Variants in AIG1 observed in about 807,000 individuals in gnomAD.
The protein encoded by AIG1 is androgen-induced gene 1 protein.
A neutral mutation model predicts 31.4 loss-of-function variants in AIG1; 23 were observed. The observed-to-expected ratio is 0.73, with a 90% CI of 0.53 to 1.04. The LOEUF (loss-of-function observed/expected upper bound fraction) is 1.04, where lower values mean the gene tolerates loss of function less well. Among genes scored for constraint, AIG1 ranks in the 50% least tolerant of loss-of-function variants. The pLI is 0.00. For synonymous variants in AIG1, 100 were observed against 110.5 expected (o/e 0.90, Z 0.60); for missense variants, 274 against 295.0 (o/e 0.93, Z 0.52).
intron 3 of AIG1, among the ~76,000 whole-genome samples, chr6:143,195,675 G>A (rs539036144): frequency 3.3e-5 from 5 of 151,176 alleles, no homozygotes; most frequent in Admixed American, 2.0e-4. Flanking sequence ...GGGAGCCCTC[G>A]CCAGGGAGGG....
intron 3 of AIG1, among the ~76,000 whole-genome samples, chr6:143,273,877 C>T (rs1796712306): frequency 6.6e-6 from 1 of 152,154 alleles, no homozygotes; most frequent in African/African-American, 2.4e-5. Flanking sequence ...TGGGTGAGGA[C>T]ACAGCCAAAC....
intron 3 of AIG1, among the ~76,000 whole-genome samples, chr6:143,273,026 G>T (rs1489216758): frequency 6.6e-6 from 1 of 152,248 alleles, no homozygotes; most frequent in Non-Finnish European, 1.5e-5. Flanking sequence ...CTACTTGGGA[G>T]GCTGAGGCAG....
At chr6:143,148,186 A>C (rs1784862781) in intron 2 of AIG1, among the ~76,000 whole-genome samples, 1 of 152,076 alleles carries the variant, frequency 6.6e-6, no homozygotes, top group African/African-American at 2.4e-5. Flanking sequence ...CATATACAGC[A>C]GTGGTCCCAT....
intron 1 of AIG1, among the ~76,000 whole-genome samples, chr6:143,068,046 T>A (rs183320133): frequency 6.6e-6 from 1 of 152,280 alleles, no homozygotes; most frequent in Non-Finnish European, 1.5e-5. Flanking sequence ...TTTGTTAGAG[T>A]GGGGGAAATA....
chr6:143,240,488 A>T (rs927100451), intron 3 of AIG1, among the ~76,000 whole-genome samples: 7 of 152,214 alleles, frequency 4.6e-5, no homozygotes, highest in Admixed American at 1.3e-4. Context: ...TACATAAAAC[A>T]TATAAACCAC....
chr6:143,333,580 T>A lies in AIG1; in HGVS notation c.679+135T>A. 1 of 831,018 alleles carries A rather than the reference T, an allele frequency of 1.2e-6. No individual in the cohort carries two copies. The highest frequency in any genetic ancestry group is 1.7e-6 in the Non-Finnish European group (1 of 583,324). The allele number at this position is 831,018 out of a possible 1,614,324, so 51.5% of individuals were successfully genotyped here. Reference sequence around the variant, plus strand: ...GATCTCCTATAAAGAGCTCCATTTTTAAAACTACAATATGAATTTAAGAGC... The same window carrying A: ...GATCTCCTATAAAGAGCTCCATTTTAAAAACTACAATATGAATTTAAGAGC... On this transcript the variant is annotated intron_variant, in intron 5 of 5. Coordinates refer to ENST00000357847, the MANE Select transcript of AIG1 (RefSeq NM_016108.4). This position sits in a 1 kb window ranked among gnomAD's most constrained non-coding sequence, Gnocchi z 4.6.
intron 4 of AIG1, among the ~76,000 whole-genome samples, chr6:143,295,679 A>C (rs1798374349): frequency 6.6e-6 from 1 of 151,914 alleles, no homozygotes; most frequent in Admixed American, 6.6e-5. Flanking sequence ...TTCTCGGGGA[A>C]GCCCTCTCTG....
At chr6:143,276,964 C>A (rs1201577718) in intron 3 of AIG1, among the ~76,000 whole-genome samples, 1 of 152,176 alleles carries the variant, frequency 6.6e-6, no homozygotes, top group Non-Finnish European at 1.5e-5. Flanking sequence ...CACGTTGATT[C>A]TCTTCATGCC....
chr6:143,181,534 A>G (rs1788718105), intron 3 of AIG1, among the ~76,000 whole-genome samples: 1 of 152,366 alleles, frequency 6.6e-6, no homozygotes, highest in South Asian at 2.1e-4. Flanking sequence ...TTTAAATTTT[A>G]ATATGAAGAT....
rs1562444889 is a variant in AIG1, at chr6:143,163,312, G to A, written c.298-1770G>A. On this transcript the variant is annotated intron_variant, in intron 2 of 5. Transcript: ENST00000357847. ...TACTATCTGTCACTAATATCTTTAG[G>A]TGTGATAAGTCATGTAATTCATTGG... Among the ~76,000 whole-genome samples the A allele has an allele frequency of 3.3e-5, 5 of 152,252 alleles. No homozygotes were observed. The South Asian group carries it at 1.0e-3, about 32-fold the overall frequency.
chr6:143,222,075 A>T (rs974804855), intron 3 of AIG1, among the ~76,000 whole-genome samples: 1 of 152,174 alleles, frequency 6.6e-6, no homozygotes, highest in Non-Finnish European at 1.5e-5. Flanking sequence ...TATACATGAG[A>T]TATATGAACC....
intron 4 of AIG1, among the ~76,000 whole-genome samples, chr6:143,286,891 T>G (rs1467234432): frequency 6.6e-6 from 1 of 151,614 alleles, no homozygotes; most frequent in East Asian, 2.0e-4. Flanking sequence ...GTAGAGAAAG[T>G]AAGGGATACC....
chr6:143,160,897 A>G (rs1463485236), intron 2 of AIG1, among the ~76,000 whole-genome samples: 1 of 152,204 alleles, frequency 6.6e-6, no homozygotes, highest in Non-Finnish European at 1.5e-5. Flanking sequence ...TTCACTTTTA[A>G]TAACCCATAT....
intron 1 of AIG1, among the ~76,000 whole-genome samples, chr6:143,073,233 T>G (rs988167961): frequency 6.6e-6 from 1 of 152,354 alleles, no homozygotes; most frequent in Admixed American, 6.5e-5. Flanking sequence ...CTGAATTGTA[T>G]GTATATATAC....
At chr6:143,060,332 C>T (rs117041948), upstream of AIG1, among the ~76,000 whole-genome samples, 6 of 152,220 alleles carry the variant, frequency 3.9e-5, no homozygotes, top group Non-Finnish European at 8.8e-5. Context: ...CTCGGGTTTA[C>T]ACCCCACGTT....
chr6:143,239,808 C>T (rs972596474), intron 3 of AIG1, among the ~76,000 whole-genome samples: 3 of 152,150 alleles, frequency 2.0e-5, no homozygotes. Flanking sequence ...GTGTTGGCCA[C>T]ATGGACAATT....
At chr6:143,213,191 TTGTA>T (rs2128617581) in intron 3 of AIG1, among the ~76,000 whole-genome samples, 1 of 152,340 alleles carries the variant, frequency 6.6e-6, no homozygotes, top group Non-Finnish European at 1.5e-5. Context: ...TAAAATATAA[TTGTA>T]TGTGTTTAGT....
At chr6:143,063,922 G>T (rs13198003) in intron 1 of AIG1, among the ~76,000 whole-genome samples, 4 of 152,198 alleles carry the variant, frequency 2.6e-5, no homozygotes, top group Non-Finnish European at 5.9e-5. Flanking sequence ...TAGATTCAGA[G>T]CTTATGGTCA....
At position 143,171,633 on chromosome 6, in the gene AIG1, G is replaced by T. The variant is rs1346007210; in HGVS notation, c.399+6450G>T. Among the ~76,000 whole-genome samples the T allele has an allele frequency of 2.0e-5, 3 of 148,844 alleles. No homozygotes were observed. The East Asian group carries it at 5.9e-4, about 29-fold the overall frequency. ...TTTTGAAATTGCAAATTTTGCTGCTGTAAACATGCATGTGCAAGTATCTTT... is the reference window on the plus strand; with the variant it reads ...TTTTGAAATTGCAAATTTTGCTGCTTTAAACATGCATGTGCAAGTATCTTT... On this transcript the variant is annotated intron_variant, in intron 3 of 5. Transcript: ENST00000357847.
Sources: gnomAD v4.1 joint callset for allele counts (sites outside exome capture counted in the v4.1 genomes callset) on GRCh38, gnomAD v4.1.1 for gene constraint, Gnocchi (gnomAD v3.1) non-coding constraint, MANE v1.5 for transcripts, NCBI Gene and HGNC (gene_info 2026-07-23, HGNC 2026-07-21) for gene names.